LANCL2: variants seen among roughly 807,000 people sequenced by gnomAD.
LANCL2 encodes the protein LanC like glutathione S-transferase 2, also known as lanC-like protein 2.
In LANCL2, 33 loss-of-function variants were observed where a neutral mutation model predicts 56.9. The observed-to-expected ratio is 0.58, with a 90% CI of 0.44 to 0.78. The LOEUF is 0.78. Ranked by LOEUF, LANCL2 falls within the 30% of genes least tolerant of loss-of-function variation. The probability of loss-of-function intolerance (pLI) is 0.00; values close to 1 mark genes in which losing one functional copy is unlikely to be tolerated. For synonymous variants in LANCL2, 233 were observed against 228.2 expected (o/e 1.02, Z -0.19); for missense variants, 562 against 580.2 (o/e 0.97, Z 0.32).
Position 55,408,179 on chromosome 7 carries a change from T to A in LANCL2, c.826-3728T>A, listed in dbSNP as rs1790431815. On this transcript the variant is annotated intron_variant, in intron 5 of 8. Coordinates refer to ENST00000254770, the MANE Select transcript of LANCL2 (RefSeq NM_018697.4). Reference sequence around the variant, plus strand: ...TCTTGAAAATAAAATATATAATAGCTGAATTTTTAATAAGTTCATGAAAAT... The same window carrying A: ...TCTTGAAAATAAAATATATAATAGCAGAATTTTTAATAAGTTCATGAAAAT... Among the ~76,000 whole-genome samples, 7 of 152,276 alleles carry A rather than the reference T, an allele frequency of 4.6e-5. No homozygotes were observed. The South Asian group carries it at 1.4e-3, about 32-fold the overall frequency.
At chr7:55,412,982 G>A (rs1790487639) in intron 6 of LANCL2, among the ~76,000 whole-genome samples, 1 of 152,110 alleles carries the variant, frequency 6.6e-6, no homozygotes, top group Non-Finnish European at 1.5e-5. Context: ...GGAAAATTGT[G>A]GGGAATTATC....
At chr7:55,413,819 T>C (rs929781890) in intron 6 of LANCL2, among the ~76,000 whole-genome samples, 4 of 152,226 alleles carry the variant, frequency 2.6e-5, no homozygotes, top group Non-Finnish European at 5.9e-5. Context: ...AATTCTGTCC[T>C]CTACATTAAG....
chr7:55,410,114 T>C (rs1182020314), intron 5 of LANCL2, among the ~76,000 whole-genome samples: 1 of 152,170 alleles, frequency 6.6e-6, no homozygotes, highest in Non-Finnish European at 1.5e-5. Context: ...ACTGTGGTAA[T>C]ATGAATAAGC....
chr7:55,428,128 C>G (rs1299918464), intron 7 of LANCL2: 1 of 558,612 alleles, frequency 1.8e-6, no homozygotes. Flanking sequence ...TTGAGCCGTT[C>G]GGTTTTCACC....
chr7:55,384,799 C>A (rs1790106805), intron 1 of LANCL2, among the ~76,000 whole-genome samples: 1 of 152,092 alleles, frequency 6.6e-6, no homozygotes, highest in Non-Finnish European at 1.5e-5. Flanking sequence ...ATCCAGAATT[C>A]TTTTTTCAGT....
In LANCL2 at chr7:55,415,003, A is replaced by AAG. The variant is rs1554384748; in HGVS notation, c.1008+2915_1008+2916insGA. On this transcript the variant is annotated intron_variant, in intron 6 of 8. Coordinates refer to ENST00000254770, the MANE Select transcript of LANCL2 (RefSeq NM_018697.4). ...TACCTCAAAAAAAAAAAAAAAAAAG[A>AAG]AAAGAAAAGAAAAAGGCAAGGTTTT... 6.9e-3 allele frequency among the ~76,000 whole-genome samples: 526 copies of AAG among 76,212 alleles called. 4 individuals are homozygous for AAG. Among genetic ancestry groups the AAG allele is most frequent in the Middle Eastern group, 0.017 (3 of 172 alleles). 50.0% of individuals were successfully genotyped at this position (76,212 alleles called of 152,430 possible). A position where few individuals can be genotyped will look rare whatever the true frequency, so the allele number is the denominator to read the frequency against.
At position 55,429,017 on chromosome 7, in the gene LANCL2, C is replaced by T. The variant is rs185827322; in HGVS notation, c.1258+570C>T. Among the ~76,000 whole-genome samples the T allele has an allele frequency of 7.8e-4, 119 of 152,210 alleles. No individual in the cohort carries two copies. The Middle Eastern group carries it at 0.017, about 22-fold the overall frequency. On this transcript the variant is annotated intron_variant, in intron 8 of 8. Coordinates refer to ENST00000254770, the MANE Select transcript of LANCL2 (RefSeq NM_018697.4). ...CAAACAGAAGCCCCACAAACAGGCCCGGATATTCGTTAGATTTGTATGTGG... is the reference window on the plus strand; with the variant it reads ...CAAACAGAAGCCCCACAAACAGGCCTGGATATTCGTTAGATTTGTATGTGG...
intron 1 of LANCL2, among the ~76,000 whole-genome samples, chr7:55,380,415 G>GT (rs35619978): frequency 1.4e-3 from 204 of 146,956 alleles, no homozygotes; most frequent in East Asian, 0.011. Flanking sequence ...ATACTGCATT[G>GT]TTTTTTTTTT....
At chr7:55,418,730 A>G (rs1405347877) in intron 6 of LANCL2, among the ~76,000 whole-genome samples, 1 of 150,046 alleles carries the variant, frequency 6.7e-6, no homozygotes, top group Non-Finnish European at 1.5e-5. Context: ...ATAGAAAAAA[A>G]TATTAAATAT....
chr7:55,402,661 A>C (rs1297342066), intron 5 of LANCL2, among the ~76,000 whole-genome samples: 4 of 96,436 alleles, frequency 4.1e-5, no homozygotes, highest in Admixed American at 9.4e-5. Flanking sequence ...TAACCCCCCC[A>C]CCTCCCTTCC....
At chr7:55,374,389 A>C (rs561277701) in intron 1 of LANCL2, among the ~76,000 whole-genome samples, 1 of 152,348 alleles carries the variant, frequency 6.6e-6, no homozygotes, top group African/African-American at 2.4e-5. Flanking sequence ...ATCTATGACT[A>C]TTTTTAGCAG....
At position 55,365,889 on chromosome 7, in the gene LANCL2, C is replaced by A. The variant is rs1789854531; in HGVS notation, c.-137C>A. On this transcript the variant is annotated 5_prime_UTR_variant, in exon 1 of 9. Transcript: ENST00000254770. Reference sequence around the variant, plus strand: ...AGGCAGTGCACGCTCAGACGCCCCGCTCCTCCCGCCAGCGCGCGGCCTCGC... The same window carrying A: ...AGGCAGTGCACGCTCAGACGCCCCGATCCTCCCGCCAGCGCGCGGCCTCGC... 2 of 608,294 alleles carry A rather than the reference C, an allele frequency of 3.3e-6. No individual in the cohort carries two copies. The highest frequency in any genetic ancestry group is 2.6e-6 in the Non-Finnish European group (1 of 380,362). 37.7% of individuals were successfully genotyped at this position (608,294 alleles called of 1,614,324 possible). A position where few individuals can be genotyped will look rare whatever the true frequency, so the allele number is the denominator to read the frequency against.
Position 55,386,436 on chromosome 7 carries a change from C to T in LANCL2, c.205-5357C>T, listed in dbSNP as rs549422754. On this transcript the variant is annotated intron_variant, in intron 1 of 8. Coordinates refer to ENST00000254770, the MANE Select transcript of LANCL2 (RefSeq NM_018697.4). ...CTCTGTTTGGGGGTCCCTGACTTCC[C>T]GCAACATGACTGTATGGAAACAAAG... Among the ~76,000 whole-genome samples, 24 of 152,258 alleles carry T rather than the reference C, an allele frequency of 1.6e-4. No individual in the cohort carries two copies. The South Asian group carries it at 2.9e-3, about 18-fold the overall frequency.
rs1562862961 is a variant in LANCL2 at position 55,398,470 on chromosome 7, A to AC, written c.372dup (p.Tyr125LeufsTer44). On this transcript the variant is annotated frameshift_variant, in exon 3 of 9. Transcript: ENST00000254770. LOFTEE classifies it high-confidence loss of function. ...GTTGTACCGGGTCACATGTGACCAA[A>AC]CCTACCTGCTCCGATCCCTGGATTA... 1 of 1,614,184 alleles carries AC rather than the reference A, an allele frequency of 6.2e-7. No individual in the cohort carries two copies. Among genetic ancestry groups the AC allele is most frequent in the South Asian group, 1.1e-5 (1 of 91,086 alleles).
intron 5 of LANCL2, 50 bp from the exon 6 acceptor site, chr7:55,411,857 G>T (rs1170808200): frequency 1.5e-5 from 23 of 1,538,220 alleles, no homozygotes; most frequent in Non-Finnish European, 2.0e-5. Context: ...CAATGTAAAA[G>T]AAATAACTTC....
chr7:55,383,173 G>A (rs1022656544), intron 1 of LANCL2, among the ~76,000 whole-genome samples: 2 of 152,132 alleles, frequency 1.3e-5, no homozygotes, highest in South Asian at 2.1e-4. Context: ...TTTGTCTCAC[G>A]CTGATATAGA....
chr7:55,398,033 T>A (rs1308199638), intron 2 of LANCL2, among the ~76,000 whole-genome samples: 1 of 152,226 alleles, frequency 6.6e-6, no homozygotes, highest in East Asian at 1.9e-4. Flanking sequence ...GAAATGATTT[T>A]ACAATAAGTA....
intron 5 of LANCL2, chr7:55,411,470 A>G (rs1790469402): frequency 6.5e-6 from 1 of 154,102 alleles, no homozygotes; most frequent in Non-Finnish European, 1.4e-5. Flanking sequence ...TATTTTAGAG[A>G]TAAAGAAACT....
chr7:55,416,452 A>G (rs2128995712), intron 6 of LANCL2, among the ~76,000 whole-genome samples: 2 of 152,098 alleles, frequency 1.3e-5, no homozygotes, highest in Admixed American at 1.3e-4. Flanking sequence ...ACACCTGGCT[A>G]AATCTTTTTA....
Sources: allele counts gnomAD v4.1 joint callset (sites outside exome capture counted in the v4.1 genomes callset), GRCh38; gene constraint gnomAD v4.1.1; transcripts MANE v1.5; gene names NCBI Gene and HGNC (gene_info 2026-07-23, HGNC 2026-07-21).